STN1: variants seen among roughly 807,000 people sequenced by gnomAD.
STN1 encodes CST complex subunit STN1.
In STN1, 29 loss-of-function variants were observed where a neutral mutation model predicts 45.5. The observed-to-expected ratio is 0.64, with a 90% CI of 0.47 to 0.87. The LOEUF (loss-of-function observed/expected upper bound fraction) is 0.87. Ranked by LOEUF, STN1 falls within the 40% of genes least tolerant of loss-of-function variation. The pLI is 0.00. For synonymous variants in STN1, 148 were observed against 159.0 expected, an observed-to-expected ratio of 0.93 and a Z score of 0.52; for missense variants, 376 against 441.4, an observed-to-expected ratio of 0.85 and a Z score of 1.33.
chr10:103,905,013 A>G, intron 4 of STN1, 78 bp downstream of exon 4: 3 of 1,249,682 alleles, frequency 2.4e-6, no homozygotes, highest in Non-Finnish European at 3.5e-6. Context: ...ATTTAGCCCT[A>G]TAGCTGTTTT....
rs112573008 is a variant in STN1 at position 103,879,956 on chromosome 10, G to A, written c.*2728C>T. ...AGGAGTGGCACAGGATTTTTTTCTC[G>A]GTCACTTTGCAAGCCAGGGACCTCT... On this transcript the variant is annotated 3_prime_UTR_variant, in exon 10 of 10. Coordinates refer to ENST00000224950, the MANE Select transcript of STN1 (RefSeq NM_024928.5). 3.3e-3 allele frequency among the ~76,000 whole-genome samples: 506 copies of A among 152,230 alleles called. 2 individuals are homozygous for A. Among genetic ancestry groups the A allele is most frequent in the African/African-American group, 0.012 (480 of 41,528 alleles).
At chr10:103,911,468 C>T (rs1308669970) in intron 2 of STN1, among the ~76,000 whole-genome samples, 1 of 152,210 alleles carries the variant, frequency 6.6e-6, no homozygotes, top group Non-Finnish European at 1.5e-5. Flanking sequence ...TCTTTTCCAG[C>T]CTCTTCCCCC....
chr10:103,885,175 C>T (rs1228809915), intron 9 of STN1, among the ~76,000 whole-genome samples: 1 of 152,146 alleles, frequency 6.6e-6, no homozygotes, highest in Non-Finnish European at 1.5e-5. Flanking sequence ...ATCCGTAATC[C>T]AAGAAGATGA....
At position 103,881,545 on chromosome 10, in the gene STN1, C is replaced by T. The variant is rs576874976; in HGVS notation, c.*1139G>A. On this transcript the variant is annotated 3_prime_UTR_variant, in exon 10 of 10. Transcript: ENST00000224950. Reference sequence around the variant, plus strand: ...GGTTCTAGCTCTCAGCCTGACGTATCGAGCTGCAGCGGACTTCTGCGTATA... The same window carrying T: ...GGTTCTAGCTCTCAGCCTGACGTATTGAGCTGCAGCGGACTTCTGCGTATA... Among the ~76,000 whole-genome samples the T allele has an allele frequency of 8.5e-5, 13 of 152,300 alleles. No homozygotes were observed. The South Asian group carries it at 2.1e-3, about 24-fold the overall frequency.
chr10:103,892,665 G>T (rs374772079), intron 7 of STN1, among the ~76,000 whole-genome samples: 7 of 152,114 alleles, frequency 4.6e-5, no homozygotes, highest in African/African-American at 1.7e-4. Flanking sequence ...TTTTTTGTAT[G>T]TTGGAATAAT....
At chr10:103,916,271 G>A (rs1418658612) in intron 2 of STN1, among the ~76,000 whole-genome samples, 1 of 152,108 alleles carries the variant, frequency 6.6e-6, no homozygotes, top group Non-Finnish European at 1.5e-5. Flanking sequence ...CATGTCCTTG[G>A]TACCTGTTTT....
At chr10:103,885,278 G>A (rs755594578) in intron 9 of STN1, among the ~76,000 whole-genome samples, 42 of 152,194 alleles carry the variant, frequency 2.8e-4, no homozygotes, top group Non-Finnish European at 4.7e-4. Flanking sequence ...GCAAGGATAG[G>A]TTTGATGATG....
At chr10:103,906,238 G>T (rs1843240110) in intron 3 of STN1, among the ~76,000 whole-genome samples, 1 of 152,194 alleles carries the variant, frequency 6.6e-6, no homozygotes, top group Non-Finnish European at 1.5e-5. Flanking sequence ...AGTGGGTGGG[G>T]TGAGACTTCT....
At chr10:103,897,387 C>T (rs974357218) in intron 7 of STN1, among the ~76,000 whole-genome samples, 161 bp downstream of exon 7, 8 of 152,092 alleles carry the variant, frequency 5.3e-5, no homozygotes, top group Non-Finnish European at 1.0e-4. Context: ...TCTTAGTAGT[C>T]AATGACCTTT....
chr10:103,910,409 C>T, intron 3 of STN1, 118 bp downstream of exon 3: 1 of 611,208 alleles, frequency 1.6e-6, no homozygotes, highest in Non-Finnish European at 2.9e-6. Flanking sequence ...AGAGAAAGTA[C>T]ATGCCCTTAG....
In STN1 at chr10:103,889,210, C is replaced by A. The variant is rs1290192521; in HGVS notation, c.877-66G>T. The A allele has an allele frequency of 1.3e-5, 13 of 985,012 alleles. No homozygotes were observed. The East Asian group carries it at 3.1e-4, about 24-fold the overall frequency. 61.0% of individuals were successfully genotyped at this position (985,012 alleles called of 1,614,324 possible). On this transcript the variant is annotated intron_variant, in intron 8 of 9. Transcript: ENST00000224950. Reference sequence around the variant, plus strand: ...TAACACAGCAGTTGTGTCATCCAGACTTCCAAATTAGTATTCAGGATAGTT... The same window carrying A: ...TAACACAGCAGTTGTGTCATCCAGAATTCCAAATTAGTATTCAGGATAGTT...
At chr10:103,914,353 TATATATATATATATATATATA>T (rs1843311449) in intron 2 of STN1, among the ~76,000 whole-genome samples, 2 of 21,370 alleles carry the variant, frequency 9.4e-5, no homozygotes, top group Admixed American at 6.1e-4. Context: ...TATATATATA[TATATATATATATATATATATA>T]TTTTTTTTTT....
intron 3 of STN1, among the ~76,000 whole-genome samples, chr10:103,907,531 A>G (rs1388039787): frequency 6.6e-6 from 1 of 152,236 alleles, no homozygotes; most frequent in African/African-American, 2.4e-5. Flanking sequence ...TATGCATAAT[A>G]GTACTAAGGA....
chr10:103,895,493 A>G (rs548221181), intron 7 of STN1, among the ~76,000 whole-genome samples: 2 of 152,364 alleles, frequency 1.3e-5, no homozygotes, highest in South Asian at 2.1e-4. Context: ...TTAAGTGGGA[A>G]GAAGGTCAAT....
intron 3 of STN1, among the ~76,000 whole-genome samples, chr10:103,908,786 G>C (rs949564455): frequency 1.6e-4 from 24 of 152,140 alleles, no homozygotes; most frequent in African/African-American, 5.6e-4. Flanking sequence ...TTTAGACACA[G>C]GCTTAATATC....
rs1843342147 is a variant in STN1 at position 103,917,550 on chromosome 10, G to C, written c.45C>G (p.Leu15=). 1.2e-6 allele frequency: 2 copies of C among 1,614,182 alleles called. No homozygotes were observed. Among genetic ancestry groups the C allele is most frequent in the Non-Finnish European group, 1.7e-6 (2 of 1,180,008 alleles). Residue 15 remains leucine, a synonymous_variant, in exon 2 of 10, where the codon CTC becomes CTG. Coordinates refer to ENST00000224950, the MANE Select transcript of STN1 (RefSeq NM_024928.5). ...SSRCEEETPS[L]LWGLDPVFLA... ...GAAACACAGGATCCAAACCCCACAAGAGGGAAGGGGTCTCCTCTTCACACC... is the reference window on the plus strand; with the variant it reads ...GAAACACAGGATCCAAACCCCACAACAGGGAAGGGGTCTCCTCTTCACACC...
chr10:103,897,235 ATGCCTGTGGTCCC>A (rs1843176457), intron 7 of STN1, among the ~76,000 whole-genome samples: 1 of 152,090 alleles, frequency 6.6e-6, no homozygotes, highest in East Asian at 1.9e-4. Context: ...GTGATGGCAC[ATGCCTGTGGTCCC>A]AGTTACTTGT....
In STN1 at chr10:103,882,532, C is replaced by T; in HGVS notation, c.*152G>A. 1 of 762,118 alleles carries T rather than the reference C, an allele frequency of 1.3e-6. No homozygotes were observed. Among genetic ancestry groups the T allele is most frequent in the Non-Finnish European group, 2.0e-6 (1 of 495,544 alleles). The allele number at this position is 762,118 out of a possible 1,614,324, so 47.2% of individuals were successfully genotyped here. A position where few individuals can be genotyped will look rare whatever the true frequency, so the allele number is the denominator to read the frequency against. The stretch of plus-strand genomic sequence containing the variant: ...CAGAAGGGAGCCAACAACATTTATG[C>T]CAAATCCCATTCCCAAGATGACTAT... On this transcript the variant is annotated 3_prime_UTR_variant, in exon 10 of 10. Coordinates refer to ENST00000224950, the MANE Select transcript of STN1 (RefSeq NM_024928.5).
At chr10:103,908,173 T>C (rs1217558878) in intron 3 of STN1, among the ~76,000 whole-genome samples, 2 of 151,922 alleles carry the variant, frequency 1.3e-5, no homozygotes, top group Non-Finnish European at 2.9e-5. Flanking sequence ...TCCTAGAGAA[T>C]GCGAGGTCAT....
Sources: allele counts gnomAD v4.1 joint callset (sites outside exome capture counted in the v4.1 genomes callset), GRCh38; gene constraint gnomAD v4.1.1; transcripts MANE v1.5; gene names NCBI Gene and HGNC (gene_info 2026-07-23, HGNC 2026-07-21).